The following TRPM3 variants were observed in gnomAD, a reference collection of about 807,000 sequenced individuals.
The protein encoded by TRPM3 is transient receptor potential cation channel subfamily M member 3, also known as long transient receptor potential channel 3.
In TRPM3, 77 loss-of-function variants were observed where a neutral mutation model predicts 181.2. The observed-to-expected ratio is 0.42, with a 90% CI of 0.35 to 0.51. The LOEUF (loss-of-function observed/expected upper bound fraction) is 0.51. Among genes scored for constraint, TRPM3 ranks in the 20% least tolerant of loss-of-function variants. TRPM3 has a pLI of 0.01. For missense variants in TRPM3, 1,759 were observed against 2,196.7 expected (o/e 0.80, Z 3.98); for synonymous variants, 745 against 796.4 (o/e 0.94, Z 1.09).
At chr9:70,865,079 G>C (rs62545338) in intron 1 of TRPM3, among the ~76,000 whole-genome samples, 38 of 151,550 alleles carry the variant, frequency 2.5e-4, no homozygotes, top group Non-Finnish European at 4.4e-4. Flanking sequence ...GCATGAGGAA[G>C]ATAAATGCTT....
At chr9:71,096,202 A>G (rs542675549) in intron 1 of TRPM3, among the ~76,000 whole-genome samples, 9 of 151,446 alleles carry the variant, frequency 5.9e-5, no homozygotes, top group African/African-American at 1.9e-4. Flanking sequence ...ATTCAGAACA[A>G]TGTTGCAAAT....
chr9:71,172,410 AT>A (rs776401618), intron 1 of TRPM3, among the ~76,000 whole-genome samples: 6 of 151,714 alleles, frequency 4.0e-5, no homozygotes, highest in Non-Finnish European at 7.4e-5. Flanking sequence ...GCAAGTCATA[AT>A]TTTTTTGTTT....
chr9:70,868,907 G>C (rs1421824894), intron 1 of TRPM3: 3 of 820,562 alleles, frequency 3.7e-6, no homozygotes, highest in Non-Finnish European at 4.4e-6. Context: ...CCTCGGTGTT[G>C]ATCTTTGGTC....
chr9:70,804,363 A>T (rs12555280), intron 6 of TRPM3, among the ~76,000 whole-genome samples: 5,891 of 152,078 alleles, frequency 0.039, 189 homozygotes, highest in East Asian at 0.13. Context: ...AACCCAAAAA[A>T]CTACTGTTCT....
At chr9:71,374,495 G>T (rs1457451843) in intron 1 of TRPM3, among the ~76,000 whole-genome samples, 3 of 152,172 alleles carry the variant, frequency 2.0e-5, no homozygotes, top group Non-Finnish European at 4.4e-5. Flanking sequence ...ATATCCTACT[G>T]AATGGACAAA....
chr9:71,122,983 C>T (rs562441184), upstream of TRPM3, among the ~76,000 whole-genome samples: 22 of 152,140 alleles, frequency 1.4e-4, no homozygotes, highest in Admixed American at 1.0e-3. Context: ...CAATGCATTG[C>T]ATAGGTTTAT....
At chr9:70,900,070 T>C (rs116162794) in intron 1 of TRPM3, among the ~76,000 whole-genome samples, 59 of 152,274 alleles carry the variant, frequency 3.9e-4, no homozygotes, top group South Asian at 8.3e-4. Context: ...AATAAATTCA[T>C]TGGAAAAGAA....
At chr9:71,015,963 G>A (rs192232628) in intron 1 of TRPM3, among the ~76,000 whole-genome samples, 6 of 152,016 alleles carry the variant, frequency 3.9e-5, no homozygotes, top group East Asian at 3.9e-4. Flanking sequence ...TTGGGAGGCC[G>A]AGGGAGGCGG....
intron 1 of TRPM3, among the ~76,000 whole-genome samples, chr9:71,332,390 T>G (rs1169622425): frequency 6.7e-6 from 1 of 149,296 alleles, no homozygotes; most frequent in Non-Finnish European, 1.5e-5. Context: ...TGTGTGTGTG[T>G]GTGTGTGTGT....
intron 8 of TRPM3, among the ~76,000 whole-genome samples, chr9:70,746,468 G>T (rs868066235): frequency 1.3e-5 from 2 of 152,088 alleles, no homozygotes; most frequent in Admixed American, 1.3e-4. Context: ...AGGTAGTGGA[G>T]TTGGCCTCCA....
intron 1 of TRPM3, among the ~76,000 whole-genome samples, chr9:71,366,730 C>T (rs1764500103): frequency 6.6e-6 from 1 of 152,042 alleles, no homozygotes; most frequent in African/African-American, 2.4e-5. Flanking sequence ...TACATGACAG[C>T]TATACCTAAA....
intron 5 of TRPM3, among the ~76,000 whole-genome samples, chr9:70,829,659 G>A (rs1374123697): frequency 5.9e-5 from 9 of 152,086 alleles, no homozygotes; most frequent in Admixed American, 5.9e-4. Context: ...TTAATTCACA[G>A]CTTCATTTAG....
chr9:70,773,025 C>A (rs1187796741), intron 7 of TRPM3, among the ~76,000 whole-genome samples: 2 of 152,180 alleles, frequency 1.3e-5, no homozygotes, highest in Admixed American at 6.5e-5. Flanking sequence ...GGCCTCCAGG[C>A]AGACTACAAC....
At chr9:70,967,965 C>T (rs112243402) in intron 1 of TRPM3, among the ~76,000 whole-genome samples, 2,003 of 152,110 alleles carry the variant, frequency 0.013, 28 homozygotes, top group East Asian at 0.077. Flanking sequence ...ACTGATATGT[C>T]CTTTAGGGCC....
chr9:71,242,977 T>C (rs1421691002), intron 1 of TRPM3, among the ~76,000 whole-genome samples: 1 of 152,198 alleles, frequency 6.6e-6, no homozygotes, highest in Non-Finnish European at 1.5e-5. Flanking sequence ...TTGAAATCAC[T>C]GTCCCCAGTG....
intron 6 of TRPM3, chr9:70,826,999 A>G (rs1424036883): frequency 6.6e-6 from 1 of 152,244 alleles, no homozygotes; most frequent in Non-Finnish European, 1.5e-5. Context: ...TTTCACAGTT[A>G]AAACAAATGT....
intron 1 of TRPM3, among the ~76,000 whole-genome samples, chr9:71,128,911 A>G (rs976949623): frequency 2.0e-5 from 3 of 152,280 alleles, no homozygotes; most frequent in Non-Finnish European, 4.4e-5. Context: ...CACCAATGAA[A>G]GCTGAGGGCC....
intron 1 of TRPM3, among the ~76,000 whole-genome samples, chr9:70,882,999 A>T (rs1340938931): frequency 6.6e-6 from 1 of 152,254 alleles, no homozygotes; most frequent in East Asian, 1.9e-4. Flanking sequence ...CATTCTGAAC[A>T]TATGTGTTTC....
chr9:71,426,493 T>C (rs1247077690), intron 1 of TRPM3, among the ~76,000 whole-genome samples: 1 of 152,146 alleles, frequency 6.6e-6, no homozygotes, highest in East Asian at 1.9e-4. Context: ...GTGTCAGGGA[T>C]AGAACCCAAA....
Sources: gnomAD v4.1 joint callset for allele counts (sites outside exome capture counted in the v4.1 genomes callset) on GRCh38, gnomAD v4.1.1 for gene constraint, MANE v1.5 for transcripts, NCBI Gene and HGNC (gene_info 2026-07-23, HGNC 2026-07-21) for gene names.